The following MAGI1 variants were observed in gnomAD, a reference collection of about 807,000 sequenced individuals.
MAGI1 encodes membrane associated guanylate kinase, WW and PDZ domain containing 1, also known as membrane-associated guanylate kinase, WW and PDZ domain-containing protein 1.
MAGI1 carries 58 observed loss-of-function variants against 139.9 expected under a neutral mutation model. That is an observed-to-expected ratio of 0.41 (90% CI 0.34 to 0.52). The LOEUF (loss-of-function observed/expected upper bound fraction) is 0.52, where lower values mean the gene tolerates loss of function less well. Ranked by LOEUF, MAGI1 falls within the 20% of genes least tolerant of loss-of-function variation. The pLI, the probability that MAGI1 is intolerant of heterozygous loss-of-function variation, is 0.12. For missense variants in MAGI1, 1,874 were observed against 1,901.6 expected (o/e 0.99, Z 0.27); for synonymous variants, 812 against 737.9 (o/e 1.10, Z -1.63).
chr3:65,990,779 G>C (rs1164497583), intron 1 of MAGI1, among the ~76,000 whole-genome samples: 1 of 152,066 alleles, frequency 6.6e-6, no homozygotes, highest in Non-Finnish European at 1.5e-5. Context: ...ATCATATTTT[G>C]GGAAAAATTA....
At chr3:66,018,537 G>A (rs776113722) in intron 1 of MAGI1, among the ~76,000 whole-genome samples, 9 of 152,152 alleles carry the variant, frequency 5.9e-5, no homozygotes, top group Non-Finnish European at 1.3e-4. Context: ...AGCCGGTAAG[G>A]GCCGGTGAAG....
intron 1 of MAGI1, among the ~76,000 whole-genome samples, chr3:65,929,850 G>A (rs1354599237): frequency 6.6e-6 from 1 of 152,148 alleles, no homozygotes; most frequent in Non-Finnish European, 1.5e-5. Context: ...GTGGAATGGA[G>A]AGTGGGCTGG....
At chr3:65,633,674 A>G (rs1419007085) in intron 1 of MAGI1, among the ~76,000 whole-genome samples, 1 of 152,202 alleles carries the variant, frequency 6.6e-6, no homozygotes, top group African/African-American at 2.4e-5. Flanking sequence ...TTCATTATTT[A>G]CAGCCTTTGG....
chr3:65,553,353 T>C (rs745315387), intron 2 of MAGI1, among the ~76,000 whole-genome samples: 65 of 152,178 alleles, frequency 4.3e-4, no homozygotes, highest in Admixed American at 7.2e-4. Flanking sequence ...TGTTCATTTA[T>C]TTTTTAAGTG....
intron 12 of MAGI1, among the ~76,000 whole-genome samples, chr3:65,423,986 A>G (rs750881847): frequency 1.4e-4 from 22 of 152,238 alleles, no homozygotes; most frequent in Non-Finnish European, 2.8e-4. Flanking sequence ...CTAGCATAGA[A>G]GCTAACAATC....
At chr3:65,483,901 G>C (rs953735106) in intron 3 of MAGI1, among the ~76,000 whole-genome samples, 15 of 152,164 alleles carry the variant, frequency 9.9e-5, no homozygotes, top group African/African-American at 3.6e-4. Context: ...TCAATTTTTA[G>C]GGCTTTATAA....
At chr3:65,916,820 G>T (rs1432514858) in intron 1 of MAGI1, among the ~76,000 whole-genome samples, 1 of 151,642 alleles carries the variant, frequency 6.6e-6, no homozygotes, top group African/African-American at 2.4e-5. Flanking sequence ...CACACACCCT[G>T]CCACTACCTC....
intron 1 of MAGI1, among the ~76,000 whole-genome samples, chr3:65,921,245 C>A (rs1174605277): frequency 6.7e-6 from 1 of 150,220 alleles, no homozygotes; most frequent in African/African-American, 2.4e-5. Flanking sequence ...CAATGTATAA[C>A]AAAAAAAATT....
At chr3:65,849,971 G>A (rs150772478) in intron 1 of MAGI1, among the ~76,000 whole-genome samples, 2,500 of 152,090 alleles carry the variant, frequency 0.016, 39 homozygotes, top group Middle Eastern at 0.051. Flanking sequence ...TTACTAATTT[G>A]GTTCAAAGCA....
intron 1 of MAGI1, among the ~76,000 whole-genome samples, chr3:66,035,269 C>G (rs2068854303): frequency 6.6e-6 from 1 of 151,912 alleles, no homozygotes; most frequent in African/African-American, 2.4e-5. Flanking sequence ...TTCCAGAGAA[C>G]TGCCATGAAG....
At chr3:65,822,349 G>A (rs1307149205) in intron 1 of MAGI1, among the ~76,000 whole-genome samples, 1 of 152,104 alleles carries the variant, frequency 6.6e-6, no homozygotes, top group Non-Finnish European at 1.5e-5. Context: ...CCAACATGGT[G>A]CAACCCCGTC....
chr3:65,843,092 T>G (rs1183089648), intron 1 of MAGI1, among the ~76,000 whole-genome samples: 1 of 152,236 alleles, frequency 6.6e-6, no homozygotes, highest in East Asian at 1.9e-4. Flanking sequence ...ATAAATGTAG[T>G]ACTGGCTTAT....
chr3:65,815,163 A>G (rs973814641), intron 1 of MAGI1, among the ~76,000 whole-genome samples: 1 of 152,208 alleles, frequency 6.6e-6, no homozygotes, highest in Non-Finnish European at 1.5e-5. Flanking sequence ...GGAAATCTCA[A>G]TGATTCAAGG....
chr3:65,493,771 A>G, intron 2 of MAGI1, 140 bp from the exon 3 acceptor site: 1 of 904,290 alleles, frequency 1.1e-6, no homozygotes, highest in Non-Finnish European at 1.7e-6. Context: ...AGACAGGGAC[A>G]CAGTAAAGGC....
At chr3:65,466,111 A>G (rs533591277) in intron 5 of MAGI1, among the ~76,000 whole-genome samples, 1 of 152,060 alleles carries the variant, frequency 6.6e-6, no homozygotes, top group East Asian at 1.9e-4. Flanking sequence ...GAGACTTTCT[A>G]TTTTTGGCTG....
chr3:65,645,359 A>C (rs1576585202), intron 1 of MAGI1, among the ~76,000 whole-genome samples: 1 of 152,122 alleles, frequency 6.6e-6, no homozygotes, highest in Admixed American at 6.6e-5. Flanking sequence ...TTCATCAGAA[A>C]CCATGGAAAC....
intron 1 of MAGI1, among the ~76,000 whole-genome samples, chr3:65,636,594 A>T (rs910345400): frequency 1.3e-4 from 20 of 152,164 alleles, no homozygotes; most frequent in African/African-American, 4.8e-4. Flanking sequence ...CTCACTGGTC[A>T]CGTATTAACA....
chr3:65,509,255 T>G (rs1035995748), intron 2 of MAGI1, among the ~76,000 whole-genome samples: 6 of 152,312 alleles, frequency 3.9e-5, no homozygotes, highest in African/African-American at 1.4e-4. Context: ...GCTCCTAATC[T>G]CAACACATAA....
intron 10 of MAGI1, 109 bp from the exon 11 acceptor site, chr3:65,430,990 C>T (rs1483591730): frequency 2.9e-6 from 3 of 1,020,676 alleles, no homozygotes; most frequent in Admixed American, 2.5e-5. Flanking sequence ...GCCCTAGAGC[C>T]TTTGGGCATA....
Sources: gnomAD v4.1 joint callset for allele counts (sites outside exome capture counted in the v4.1 genomes callset) on GRCh38, gnomAD v4.1.1 for gene constraint, MANE v1.5 for transcripts, NCBI Gene and HGNC (gene_info 2026-07-23, HGNC 2026-07-21) for gene names.